Variants in DGKD observed in about 807,000 individuals in gnomAD.
DGKD encodes diacylglycerol kinase delta.
DGKD carries 68 observed loss-of-function variants against 154.4 expected under a neutral mutation model. That is an observed-to-expected ratio of 0.44 (90% CI 0.36 to 0.54). The LOEUF (loss-of-function observed/expected upper bound fraction) is 0.54. Among genes scored for constraint, DGKD ranks in the 20% least tolerant of loss-of-function variants. The probability of loss-of-function intolerance (pLI) is 0.00; values close to 1 mark genes in which losing one functional copy is unlikely to be tolerated. For missense variants in DGKD, 1,343 were observed against 1,593.6 expected (o/e 0.84, Z 2.68); for synonymous variants, 693 against 638.0 (o/e 1.09, Z -1.30).
At chr2:233,380,529 T>C (rs942968995) in intron 1 of DGKD, among the ~76,000 whole-genome samples, 4 of 152,192 alleles carry the variant, frequency 2.6e-5, no homozygotes, top group African/African-American at 9.7e-5. Flanking sequence ...AGCACTTGCC[T>C]ACCTCCCCAC....
chr2:233,436,475 A>G, intron 7 of DGKD, 34 bp downstream of exon 7: 1 of 1,601,258 alleles, frequency 6.2e-7, no homozygotes, highest in East Asian at 2.2e-5. Context: ...GCTGGAGGGG[A>G]GGGCTTGCTC....
rs1237115008 is a variant in DGKD at position 233,440,065 on chromosome 2, G to A, written c.1085+1686G>A. Among the ~76,000 whole-genome samples, 1 of 152,136 alleles carries A rather than the reference G, an allele frequency of 6.6e-6. No homozygotes were observed. The highest frequency in any genetic ancestry group is 1.9e-4 in the East Asian group (1 of 5,202). ...TCGAGAATAACGAAATATTCATTTT[G>A]GTGTGCAAGCAAAACCCCATGTTTC... On this transcript the variant is annotated intron_variant, in intron 9 of 29. Coordinates refer to ENST00000264057, the MANE Select transcript of DGKD (RefSeq NM_152879.3). The surrounding 1 kb of genome is among the most constrained non-coding windows in gnomAD (Gnocchi z 4.9).
At chr2:233,383,024 C>G (rs1359212154) in intron 1 of DGKD, among the ~76,000 whole-genome samples, 1 of 150,584 alleles carries the variant, frequency 6.6e-6, no homozygotes, top group African/African-American at 2.4e-5. Flanking sequence ...GTGGGAGTTT[C>G]TTTTTTTCTT....
intron 3 of DGKD, chr2:233,392,240 G>C (rs747858129): frequency 6.6e-6 from 1 of 152,122 alleles, no homozygotes; most frequent in African/African-American, 2.4e-5. Flanking sequence ...GGCCAGGCTG[G>C]TCTCAAACTC....
chr2:233,440,563 C>T lies in DGKD; in HGVS notation c.1086-1324C>T, dbSNP rs377619992. Among the ~76,000 whole-genome samples the T allele has an allele frequency of 1.0e-3, 159 of 152,222 alleles. No individual in the cohort carries two copies. The highest frequency in any genetic ancestry group is 3.6e-3 in the African/African-American group (149 of 41,538). On this transcript the variant is annotated intron_variant, in intron 9 of 29. Transcript: ENST00000264057. This position sits in a 1 kb window ranked among gnomAD's most constrained non-coding sequence, Gnocchi z 4.9. ...TCCCCGAGCTGGCATCCGAGGAGCT[C>T]TAGTGTTCTGAAGGCTGCAGGGAGG...
At chr2:233,442,162 G>T in intron 10 of DGKD, 167 bp downstream of exon 10, 1 of 731,046 alleles carries the variant, frequency 1.4e-6, no homozygotes. Flanking sequence ...AGAGGGGAGA[G>T]CCTGGGCCAC....
rs114469080 is a variant in DGKD at position 233,430,055 on chromosome 2, C to T, written c.349-4325C>T. ...TGTAAATTAAAGCTATGAGATGTGC[C>T]GAAATCTAAAAGTTAAATAACATAT... On this transcript the variant is annotated intron_variant, in intron 3 of 29. Transcript: ENST00000264057. Among the ~76,000 whole-genome samples the T allele has an allele frequency of 9.6e-3, 1,461 of 152,164 alleles. 26 individuals are homozygous for T. The highest frequency in any genetic ancestry group is 0.033 in the African/African-American group (1,369 of 41,512).
rs747976975 is a variant in DGKD, at chr2:233,435,805, C to T, written c.587-13C>T. 5 of 1,609,044 alleles carry T rather than the reference C, an allele frequency of 3.1e-6. No homozygotes were observed. The highest frequency in any genetic ancestry group is 3.4e-6 in the Non-Finnish European group (4 of 1,177,426). The stretch of plus-strand genomic sequence containing the variant: ...GACACAGCTTGTAGGCTCATGTGCC[C>T]CTTCTCTCACAGTGTGCAAATTTAA... On this transcript the variant is annotated splice_polypyrimidine_tract_variant and intron_variant, in intron 5 of 29. Coordinates refer to ENST00000264057, the MANE Select transcript of DGKD (RefSeq NM_152879.3).
chr2:233,416,136 A>G (rs2125529638), intron 3 of DGKD, among the ~76,000 whole-genome samples: 1 of 152,260 alleles, frequency 6.6e-6, no homozygotes, highest in South Asian at 2.1e-4. Context: ...TTGTGGTAGA[A>G]TACTGTTTTA....
chr2:233,423,592 A>T (rs1443041673), intron 3 of DGKD, among the ~76,000 whole-genome samples: 1 of 151,956 alleles, frequency 6.6e-6, no homozygotes, highest in Admixed American at 6.6e-5. Flanking sequence ...GGTATAGGAG[A>T]CATCCCGGCT....
At chr2:233,373,543 T>C (rs1559479142) in intron 1 of DGKD, among the ~76,000 whole-genome samples, 3 of 152,220 alleles carry the variant, frequency 2.0e-5, no homozygotes, top group Admixed American at 6.5e-5. Context: ...TTATCTGGAA[T>C]GTCCTAAAAC....
chr2:233,469,204 GGTT>G (rs1312648190), intron 29 of DGKD, among the ~76,000 whole-genome samples, 164 bp from the exon 30 acceptor site: 1 of 152,228 alleles, frequency 6.6e-6, no homozygotes, highest in East Asian at 1.9e-4. Flanking sequence ...GCATCTGTAT[GGTT>G]GTTACTTTTA....
intron 19 of DGKD, 87 bp from the exon 20 acceptor site, chr2:233,456,804 GGGTCAGAT>G: frequency 1.2e-6 from 1 of 868,842 alleles, no homozygotes; most frequent in Non-Finnish European, 1.9e-6. Flanking sequence ...GCTGATTTGT[GGGTCAGAT>G]GCTGTTCCCA....
chr2:233,410,121 ATGCTGT>A (rs2061790226), intron 3 of DGKD, among the ~76,000 whole-genome samples: 1 of 152,110 alleles, frequency 6.6e-6, no homozygotes, highest in Non-Finnish European at 1.5e-5. Context: ...TGCCTGGCCA[ATGCTGT>A]TTTCTTTGTA....
At chr2:233,407,063 A>AT (rs770265936) in intron 3 of DGKD, among the ~76,000 whole-genome samples, 7 of 152,292 alleles carry the variant, frequency 4.6e-5, no homozygotes, top group Non-Finnish European at 7.3e-5. Context: ...CTGAGACTCA[A>AT]TTTTCTCATC....
chr2:233,374,275 T>C (rs1359377195), intron 1 of DGKD, among the ~76,000 whole-genome samples: 1 of 152,192 alleles, frequency 6.6e-6, no homozygotes, highest in Non-Finnish European at 1.5e-5. Context: ...GATTACGAAC[T>C]CCTGACCTCA....
chr2:233,458,322 G>A lies in DGKD; in HGVS notation c.2619G>A (p.Glu873=). ...AAPSFDDKIL[E]VVAVFGSMQM... is the part of the protein sequence containing the mutation. ...CATCATTCGATGACAAGATTCTGGA[G>A]GTGGTCGCCGTGTTCGGCAGCATGC... Residue 873 remains glutamate (E), a synonymous_variant, in exon 22 of 30, where the codon GAG becomes GAA. Coordinates refer to ENST00000264057, the MANE Select transcript of DGKD (RefSeq NM_152879.3). The surrounding 1 kb of genome is among the most constrained non-coding windows in gnomAD (Gnocchi z 6.6). 1 of 1,612,716 alleles carries A rather than the reference G, an allele frequency of 6.2e-7. No individual in the cohort carries two copies. The highest frequency in any genetic ancestry group is 8.5e-7 in the Non-Finnish European group (1 of 1,179,838).
At chr2:233,380,666 G>C (rs1702846741) in intron 1 of DGKD, among the ~76,000 whole-genome samples, 1 of 152,072 alleles carries the variant, frequency 6.6e-6, no homozygotes, top group South Asian at 2.1e-4. Flanking sequence ...GTGAGGATGT[G>C]TGTGTGTGTG....
chr2:233,432,057 C>T (rs1450891935), intron 3 of DGKD, among the ~76,000 whole-genome samples: 1 of 152,208 alleles, frequency 6.6e-6, no homozygotes, highest in African/African-American at 2.4e-5. Flanking sequence ...GCAAAGGAAA[C>T]AGTCAACAAA....
Sources: gnomAD v4.1 joint callset for allele counts (sites outside exome capture counted in the v4.1 genomes callset) on GRCh38, gnomAD v4.1.1 for gene constraint, Gnocchi (gnomAD v3.1) non-coding constraint, MANE v1.5 for transcripts, NCBI Gene and HGNC (gene_info 2026-07-23, HGNC 2026-07-21) for gene names.